Variants in CCSER1 observed in about 807,000 individuals in gnomAD.
CCSER1 encodes the protein serine-rich coiled-coil domain-containing protein 1.
CCSER1 carries 41 observed loss-of-function variants against 82.0 expected under a neutral mutation model. The ratio of observed to expected loss-of-function variants is 0.50; its 90% CI spans 0.39 to 0.65. CCSER1 has a LOEUF of 0.65. Ranked by LOEUF, CCSER1 falls within the 30% of genes least tolerant of loss-of-function variation. CCSER1 has a pLI of 0.00. For synonymous variants in CCSER1, 414 were observed against 383.9 expected (o/e 1.08, Z -0.92); for missense variants, 1,119 against 1,064.2 (o/e 1.05, Z -0.72).
chr4:90,313,597 G>A (rs1250820530), intron 3 of CCSER1, among the ~76,000 whole-genome samples: 1 of 152,090 alleles, frequency 6.6e-6, no homozygotes, highest in Non-Finnish European at 1.5e-5. Flanking sequence ...GGTCCAAATT[G>A]TAGAGCCTGC....
chr4:90,924,995 G>A (rs1728875635), intron 9 of CCSER1, among the ~76,000 whole-genome samples: 1 of 152,046 alleles, frequency 6.6e-6, no homozygotes, highest in African/African-American at 2.4e-5. Flanking sequence ...CAAAAGTTCT[G>A]GGATTACAGG....
At chr4:91,349,228 T>C in intron 10 of CCSER1, among the ~76,000 whole-genome samples, 1 of 152,280 alleles carries the variant, frequency 6.6e-6, no homozygotes, top group African/African-American at 2.4e-5. Flanking sequence ...GTTGATTCTC[T>C]TTTTTCAATT....
At position 90,334,319 on chromosome 4, in the gene CCSER1, C is replaced by T. The variant is rs536731960; in HGVS notation, c.1509+21272C>T. On this transcript the variant is annotated intron_variant, in intron 3 of 10. Transcript: ENST00000509176. ...TCAGGAGCGATTGACTTTTTTTAAG[C>T]GATTGGTTTTAAGCAGGAAAGTAGC... is the stretch of plus-strand genomic sequence containing the variant. 2.8e-4 allele frequency among the ~76,000 whole-genome samples: 42 copies of T among 151,780 alleles called. No individual in the cohort carries two copies. In the South Asian group the frequency reaches 7.7e-3, roughly 28 times the overall value.
At chr4:91,388,873 T>A (rs935695582) in intron 10 of CCSER1, among the ~76,000 whole-genome samples, 1 of 152,060 alleles carries the variant, frequency 6.6e-6, no homozygotes, top group East Asian at 1.9e-4. Context: ...GGTTTGAAAA[T>A]GCCTGTGTAT....
intron 10 of CCSER1, among the ~76,000 whole-genome samples, chr4:91,468,661 A>G (rs1757084145): frequency 6.6e-6 from 1 of 152,074 alleles, no homozygotes; most frequent in Non-Finnish European, 1.5e-5. Context: ...TTATGTTTTT[A>G]TATTTAAGTT....
chr4:90,870,626 G>C (rs1766351406), intron 8 of CCSER1, among the ~76,000 whole-genome samples: 1 of 151,714 alleles, frequency 6.6e-6, no homozygotes. Context: ...ATGTTTTTCA[G>C]AGATATTGGC....
chr4:90,486,326 T>G (rs2153601609), intron 5 of CCSER1, among the ~76,000 whole-genome samples: 1 of 152,342 alleles, frequency 6.6e-6, no homozygotes, highest in Middle Eastern at 3.4e-3. Context: ...TAAGTTCCAT[T>G]AAAGTCCTGA....
At chr4:91,443,753 T>A (rs1381847058) in intron 10 of CCSER1, among the ~76,000 whole-genome samples, 1 of 148,526 alleles carries the variant, frequency 6.7e-6, no homozygotes, top group Non-Finnish European at 1.5e-5. Context: ...AAATATGTAT[T>A]ATATAATATA....
intron 6 of CCSER1, among the ~76,000 whole-genome samples, chr4:90,717,534 T>C (rs1163883013): frequency 6.6e-6 from 1 of 152,018 alleles, no homozygotes; most frequent in African/African-American, 2.4e-5. Context: ...CACTGAGGCA[T>C]GGAATATGCA....
chr4:90,420,871 G>T (rs536755808), intron 4 of CCSER1, among the ~76,000 whole-genome samples: 1 of 152,092 alleles, frequency 6.6e-6, no homozygotes, highest in South Asian at 2.1e-4. Context: ...ATTCGGCATG[G>T]TTTTTCTGGT....
At chr4:91,537,818 G>GT (rs11312406) in intron 10 of CCSER1, among the ~76,000 whole-genome samples, 1 of 151,328 alleles carries the variant, frequency 6.6e-6, no homozygotes, top group Admixed American at 6.6e-5. Flanking sequence ...AAAACCACAT[G>GT]TTTTTTTTCT....
intron 3 of CCSER1, among the ~76,000 whole-genome samples, chr4:90,342,811 C>T (rs540398517): frequency 6.6e-6 from 1 of 152,222 alleles, no homozygotes; most frequent in Non-Finnish European, 1.5e-5. Flanking sequence ...ACTTCATCCT[C>T]TTTCTCTTCT....
intron 10 of CCSER1, among the ~76,000 whole-genome samples, chr4:91,393,849 T>C (rs543459160): frequency 1.8e-4 from 28 of 152,216 alleles, no homozygotes; most frequent in Non-Finnish European, 3.5e-4. Context: ...TTGAATTTAA[T>C]TGGGTTACAG....
At chr4:90,412,829 C>T (rs546497342) in intron 4 of CCSER1, among the ~76,000 whole-genome samples, 1 of 152,286 alleles carries the variant, frequency 6.6e-6, no homozygotes, top group East Asian at 1.9e-4. Flanking sequence ...TGAAAGCATT[C>T]TCCCTGAGAA....
intron 8 of CCSER1, among the ~76,000 whole-genome samples, chr4:90,819,600 G>C (rs1361825579): frequency 1.3e-5 from 2 of 152,020 alleles, no homozygotes; most frequent in Admixed American, 6.6e-5. Flanking sequence ...TTTCGATTTA[G>C]GATTATATAT....
chr4:90,348,566 A>AACC (rs1742836136), intron 3 of CCSER1, among the ~76,000 whole-genome samples: 1 of 152,166 alleles, frequency 6.6e-6, no homozygotes, highest in Non-Finnish European at 1.5e-5. Context: ...ATCTGTTTTT[A>AACC]ATTATCAGTG....
At chr4:90,717,768 AGTGTATATATATGT>A (rs1741909776) in intron 6 of CCSER1, among the ~76,000 whole-genome samples, 1 of 146,300 alleles carries the variant, frequency 6.8e-6, no homozygotes, top group African/African-American at 2.6e-5. Flanking sequence ...ACACATATAT[AGTGTATATATATGT>A]GTGTATATAT....
intron 10 of CCSER1, among the ~76,000 whole-genome samples, chr4:91,508,045 A>T (rs920760845): frequency 6.8e-6 from 1 of 146,240 alleles, no homozygotes; most frequent in Non-Finnish European, 1.5e-5. Flanking sequence ...AGAAAGTTTT[A>T]CTATTTTCTT....
At chr4:90,888,853 T>C (rs1480438128) in intron 8 of CCSER1, among the ~76,000 whole-genome samples, 1 of 152,184 alleles carries the variant, frequency 6.6e-6, no homozygotes, top group Non-Finnish European at 1.5e-5. Flanking sequence ...TATTGAGCAA[T>C]TGTTTAGTCC....
Sources: gnomAD v4.1 joint callset for allele counts (sites outside exome capture counted in the v4.1 genomes callset) on GRCh38, gnomAD v4.1.1 for gene constraint, MANE v1.5 for transcripts, NCBI Gene and HGNC (gene_info 2026-07-23, HGNC 2026-07-21) for gene names.